Variants in PLXNC1 observed in about 807,000 individuals in gnomAD.
The protein encoded by PLXNC1 is plexin-C1.
In PLXNC1, 75 loss-of-function variants were observed where a neutral mutation model predicts 178.2. The observed-to-expected ratio is 0.42, with a 90% CI of 0.35 to 0.51. PLXNC1 has a LOEUF of 0.51. Among genes scored for constraint, PLXNC1 ranks in the 20% least tolerant of loss-of-function variants. The pLI is 0.02. For missense variants in PLXNC1, 1,503 were observed against 1,984.4 expected (o/e 0.76, Z 4.61); for synonymous variants, 790 against 779.9 (o/e 1.01, Z -0.22).
intron 24 of PLXNC1, among the ~76,000 whole-genome samples, chr12:94,296,726 CTT>C (rs1967958069): frequency 6.6e-6 from 1 of 152,220 alleles, no homozygotes; most frequent in South Asian, 2.1e-4. Context: ...GATTTGGTCT[CTT>C]GTTAATTCTT....
rs116465617 is a variant in PLXNC1, at chr12:94,224,308, T to C, written c.1783T>C (p.Leu595=). The change falls in exon 7 of 31, where the codon TTA becomes CTA. Residue 595 remains leucine (L), a synonymous_variant. Transcript: ENST00000258526. ...DRFNFTNCSS[L]KECPACVETG... The stretch of plus-strand genomic sequence containing the variant: ...ATTCAACTTTACCAACTGCTCATCA[T>C]TAAAAGAGTAAGATTTTATTTGAAA... 4.2e-3 allele frequency: 6,175 copies of C among 1,483,250 alleles called. 42 individuals are homozygous for C. Among genetic ancestry groups the C allele is most frequent in the Non-Finnish European group, 5.1e-3 (5,360 of 1,060,586 alleles). 91.9% of individuals were successfully genotyped at this position (1,483,250 alleles called of 1,614,324 possible).
intron 2 of PLXNC1, among the ~76,000 whole-genome samples, chr12:94,180,491 T>C (rs1565796222): frequency 6.6e-6 from 1 of 152,238 alleles, no homozygotes; most frequent in Non-Finnish European, 1.5e-5. Context: ...ATGTAAGTTC[T>C]ATGAGGTCAG....
intron 12 of PLXNC1, among the ~76,000 whole-genome samples, chr12:94,246,095 A>C (rs1964520940): frequency 6.6e-6 from 1 of 152,228 alleles, no homozygotes; most frequent in African/African-American, 2.4e-5. Context: ...AACCACGAGA[A>C]AAGAAGAGAG....
Position 94,149,154 on chromosome 12 carries a change from C to A in PLXNC1, c.183C>A (p.Ser61Arg). The change falls in exon 1 of 31, where the codon AGC becomes AGA. Residue 61 changes from serine (S) to arginine (R), a missense_variant. Coordinates refer to ENST00000258526, the MANE Select transcript of PLXNC1 (RefSeq NM_005761.3). ...AGGAGGACGGCGTGTTTGTGGCGAG[C>A]GGCAGCTGCCTGGACCAGCTGGACT... Reference protein sequence around the residue: ...ASQEDGVFVASGSCLDQLDYS... With the variant: ...ASQEDGVFVARGSCLDQLDYS... 1.9e-6 allele frequency: 3 copies of A among 1,590,294 alleles called. No individual in the cohort carries two copies. The highest frequency in any genetic ancestry group is 2.3e-5 in the South Asian group (2 of 88,818).
At position 94,304,428 on chromosome 12, in the gene PLXNC1, G is replaced by C. The variant is rs150160868; in HGVS notation, c.4602+377G>C. The C allele has an allele frequency of 5.4e-5, 9 of 167,304 alleles. No homozygotes were observed. The Admixed American group carries it at 5.7e-4, about 11-fold the overall frequency. 10.4% of individuals were successfully genotyped at this position (167,304 alleles called of 1,614,324 possible). On this transcript the variant is annotated intron_variant, in intron 30 of 30. Coordinates refer to ENST00000258526, the MANE Select transcript of PLXNC1 (RefSeq NM_005761.3). ...AATTGCCTAGATTCTGTATTCAATCGTTATATGAAATTATGACATATTTCT... is the reference window on the plus strand; with the variant it reads ...AATTGCCTAGATTCTGTATTCAATCCTTATATGAAATTATGACATATTTCT...
intron 22 of PLXNC1, chr12:94,282,081 T>C (rs1004727391): frequency 1.0e-4 from 49 of 485,396 alleles, no homozygotes; most frequent in African/African-American, 8.4e-4. Flanking sequence ...ACTTCCAGGC[T>C]TATCAGGGAA....
intron 30 of PLXNC1, 75 bp from the exon 31 acceptor site, chr12:94,305,106 G>A: frequency 1.2e-6 from 1 of 831,668 alleles, no homozygotes; most frequent in Middle Eastern, 2.4e-4. Context: ...ACCACTCACA[G>A]CATCAGGTAT....
chr12:94,217,696 C>T (rs900266079), intron 5 of PLXNC1, among the ~76,000 whole-genome samples: 1 of 152,182 alleles, frequency 6.6e-6, no homozygotes. Flanking sequence ...TAAGGGGTAC[C>T]TTGACTGCCT....
intron 21 of PLXNC1, among the ~76,000 whole-genome samples, chr12:94,271,950 G>C (rs905724718): frequency 6.6e-6 from 1 of 152,112 alleles, no homozygotes; most frequent in African/African-American, 2.4e-5. Context: ...TGTTACATAT[G>C]ACCGCTGTGA....
At chr12:94,209,745 C>A in intron 5 of PLXNC1, 41 bp downstream of exon 5, 1 of 1,201,112 alleles carries the variant, frequency 8.3e-7, no homozygotes, top group South Asian at 1.2e-5. Context: ...TGTATTGTCT[C>A]ATTTTGCACA....
intron 1 of PLXNC1, among the ~76,000 whole-genome samples, chr12:94,164,701 ACACACG>A (rs1410050947): frequency 1.4e-5 from 2 of 147,266 alleles, no homozygotes; most frequent in African/African-American, 5.1e-5. Flanking sequence ...ACACACACAC[ACACACG>A]TACACACACA....
chr12:94,223,477 A>G (rs776633726), intron 6 of PLXNC1, among the ~76,000 whole-genome samples: 1 of 152,208 alleles, frequency 6.6e-6, no homozygotes, highest in African/African-American at 2.4e-5. Flanking sequence ...TTGCTAAATC[A>G]GAATATTTAG....
chr12:94,285,316 C>T (rs571201005), intron 23 of PLXNC1, among the ~76,000 whole-genome samples: 4 of 152,290 alleles, frequency 2.6e-5, no homozygotes, highest in East Asian at 3.9e-4. Context: ...AGACTGTTCC[C>T]GAGCAGAGCT....
intron 19 of PLXNC1, 42 bp downstream of exon 19, chr12:94,259,776 A>G: frequency 6.5e-7 from 1 of 1,548,446 alleles, no homozygotes; most frequent in Non-Finnish European, 8.7e-7. Flanking sequence ...CTTTAAGAAA[A>G]AATCAGGCCG....
At chr12:94,272,776 C>G (rs780105777) in intron 21 of PLXNC1, among the ~76,000 whole-genome samples, 9 of 152,190 alleles carry the variant, frequency 5.9e-5, no homozygotes, top group Non-Finnish European at 1.2e-4. Flanking sequence ...AACAGAAGCT[C>G]TGTAAAAATG....
At chr12:94,212,220 G>A (rs1268569555) in intron 5 of PLXNC1, among the ~76,000 whole-genome samples, 4 of 134,092 alleles carry the variant, frequency 3.0e-5, no homozygotes, top group African/African-American at 1.1e-4. Flanking sequence ...CTTGCAGTGA[G>A]CCGAGATCCC....
rs1964971144 is a variant in PLXNC1 at position 94,260,773 on chromosome 12, G to T, written c.3383G>T (p.Arg1128Leu). The T allele has an allele frequency of 1.2e-6, 2 of 1,614,168 alleles. No individual in the cohort carries two copies. Among genetic ancestry groups the T allele is most frequent in the Non-Finnish European group, 1.7e-6 (2 of 1,180,020 alleles). ...SNMQPKLMLR[R>L]TESVVEKLLT... ...ATGCAGCCGAAACTCATGCTGAGAC[G>T]CACGGAGTCCGTCGTCGAAAAACTC... Residue 1128 changes from arginine (R) to leucine (L), a missense_variant, in exon 20 of 31, where the codon CGC becomes CTC. By Grantham distance (102) the Arg-to-Leu change is moderately radical. Transcript: ENST00000258526. The surrounding 1 kb of genome is among the most constrained non-coding windows in gnomAD (Gnocchi z 4.4).
chr12:94,186,949 A>G (rs4429109), intron 4 of PLXNC1, among the ~76,000 whole-genome samples: 86 of 152,358 alleles, frequency 5.6e-4, no homozygotes, highest in South Asian at 1.7e-3. Flanking sequence ...GGCCTGATGT[A>G]CAATCTCAGT....
chr12:94,265,869 TAAAG>T (rs940801148), intron 21 of PLXNC1, among the ~76,000 whole-genome samples: 19 of 150,188 alleles, frequency 1.3e-4, no homozygotes, highest in African/African-American at 2.4e-4. Flanking sequence ...ATGCTCTTCC[TAAAG>T]AAAGAAAGAA....
Sources: allele counts gnomAD v4.1 joint callset (sites outside exome capture counted in the v4.1 genomes callset), GRCh38; gene constraint gnomAD v4.1.1; non-coding constraint Gnocchi (gnomAD v3.1); transcripts MANE v1.5; gene names NCBI Gene and HGNC (gene_info 2026-07-23, HGNC 2026-07-21).